The following SBF2 variants were observed in gnomAD, a reference collection of about 807,000 sequenced individuals.
The protein encoded by SBF2 is myotubularin-related protein 13.
Under a neutral mutation model 225.2 loss-of-function variants are expected in SBF2, and 112 were observed. The observed-to-expected ratio is 0.50, with a 90% CI of 0.43 to 0.58. SBF2 has a LOEUF of 0.58. SBF2 is among the 20% of genes least tolerant of loss of function. The pLI, the probability that SBF2 is intolerant of heterozygous loss-of-function variation, is 0.00. For synonymous variants in SBF2, 763 were observed against 773.3 expected, an observed-to-expected ratio of 0.99 and a Z score of 0.22; for missense variants, 1,996 against 2,206.2, an observed-to-expected ratio of 0.90 and a Z score of 1.91.
chr11:10,230,272 A>T (rs962935065), intron 1 of SBF2, among the ~76,000 whole-genome samples: 22 of 152,222 alleles, frequency 1.4e-4, no homozygotes, highest in African/African-American at 5.3e-4. Context: ...CCAATTTGCC[A>T]GTCTGTGTCT....
intron 16 of SBF2, among the ~76,000 whole-genome samples, chr11:9,947,537 T>C (rs1865633451): frequency 6.6e-6 from 1 of 152,226 alleles, no homozygotes; most frequent in African/African-American, 2.4e-5. Context: ...GCTAAGCTGG[T>C]ACTACATTAC....
intron 16 of SBF2, chr11:9,959,105 T>C (rs1482103336): frequency 7.2e-6 from 10 of 1,395,664 alleles, no homozygotes; most frequent in Non-Finnish European, 7.1e-6. Context: ...AAGGTTGCTA[T>C]CACTCCGAAG....
chr11:9,812,427 G>C (rs977764621), intron 30 of SBF2, 105 bp downstream of exon 30: 9 of 1,192,690 alleles, frequency 7.5e-6, no homozygotes, highest in Non-Finnish European at 1.1e-5. Context: ...GAGAATGTTG[G>C]GGAGTAGGGG....
intron 2 of SBF2, among the ~76,000 whole-genome samples, chr11:10,162,607 C>T (rs57672320): frequency 0.021 from 3,253 of 152,210 alleles, 90 homozygotes; most frequent in African/African-American, 0.064. Context: ...TTTAATAAAA[C>T]AGTCACAAGT....
chr11:9,984,773 C>A (rs534562519), intron 13 of SBF2, among the ~76,000 whole-genome samples: 1 of 152,326 alleles, frequency 6.6e-6, no homozygotes, highest in African/African-American at 2.4e-5. Context: ...GGAGCCCTAT[C>A]TTCAGCCTCC....
At chr11:10,229,116 A>G (rs1381767344) in intron 1 of SBF2, among the ~76,000 whole-genome samples, 1 of 152,120 alleles carries the variant, frequency 6.6e-6, no homozygotes, top group Non-Finnish European at 1.5e-5. Context: ...AGGTGTTTAT[A>G]GTATTCTCTG....
intron 34 of SBF2, among the ~76,000 whole-genome samples, 186 bp from the exon 35 acceptor site, chr11:9,789,528 C>T (rs1852602437): frequency 6.6e-6 from 1 of 152,082 alleles, no homozygotes. Context: ...ATTCTCCAAT[C>T]CTCCCTCCTA....
At chr11:9,790,924 G>T in intron 33 of SBF2, 1 of 399,502 alleles carries the variant, frequency 2.5e-6, no homozygotes, top group East Asian at 5.4e-5. Context: ...GCAGCCAGCA[G>T]TCTATCAATC....
intron 2 of SBF2, among the ~76,000 whole-genome samples, chr11:10,090,386 A>C (rs991231906): frequency 6.6e-6 from 1 of 152,244 alleles, no homozygotes; most frequent in African/African-American, 2.4e-5. Flanking sequence ...GGAAGAGTTG[A>C]CAGGTCTCAC....
At chr11:10,141,514 T>G (rs1015080287) in intron 2 of SBF2, among the ~76,000 whole-genome samples, 7 of 152,186 alleles carry the variant, frequency 4.6e-5, no homozygotes, top group African/African-American at 1.7e-4. Context: ...TGCATACTAG[T>G]CTGTATGAAC....
intron 1 of SBF2, among the ~76,000 whole-genome samples, chr11:10,242,647 A>C (rs1442589496): frequency 6.6e-6 from 1 of 152,102 alleles, no homozygotes; most frequent in Non-Finnish European, 1.5e-5. Context: ...GAGATGAAAA[A>C]GGGTATTTCA....
chr11:10,281,333 A>G (rs936180160), intron 1 of SBF2, among the ~76,000 whole-genome samples: 11 of 152,246 alleles, frequency 7.2e-5, no homozygotes, highest in African/African-American at 2.6e-4. Flanking sequence ...CCTTCATATC[A>G]GAATGCCAGT....
At chr11:9,854,314 C>A (rs1051997171) in intron 19 of SBF2, among the ~76,000 whole-genome samples, 7 of 152,204 alleles carry the variant, frequency 4.6e-5, no homozygotes, top group African/African-American at 1.7e-4. Context: ...ATGATAAAAT[C>A]ATGCAAGAGA....
intron 13 of SBF2, among the ~76,000 whole-genome samples, chr11:9,976,959 A>G (rs1051775535): frequency 2.0e-5 from 3 of 151,726 alleles, no homozygotes; most frequent in Non-Finnish European, 2.9e-5. Context: ...TTTAGTAGAG[A>G]CGGGGTTTCA....
At chr11:9,816,764 C>T in intron 29 of SBF2, 76 bp downstream of exon 29, 1 of 1,448,398 alleles carries the variant, frequency 6.9e-7, no homozygotes, top group East Asian at 2.3e-5. Context: ...TCTAGCAAAG[C>T]TGGTTTGTGA....
intron 16 of SBF2, among the ~76,000 whole-genome samples, chr11:9,937,149 A>C (rs1864953428): frequency 6.6e-6 from 1 of 152,210 alleles, no homozygotes; most frequent in South Asian, 2.1e-4. Context: ...ATTTAAGGAC[A>C]AAAGCTTCCA....
At chr11:10,299,753 C>G (rs1046562449) in intron 1 of SBF2, among the ~76,000 whole-genome samples, 2 of 152,182 alleles carry the variant, frequency 1.3e-5, no homozygotes, top group Non-Finnish European at 1.5e-5. Flanking sequence ...GGACTAGACT[C>G]TCTGCAGTCT....
intron 6 of SBF2, among the ~76,000 whole-genome samples, chr11:10,006,880 G>A (rs144868896): frequency 1.3e-5 from 2 of 152,290 alleles, no homozygotes; most frequent in African/African-American, 4.8e-5. Context: ...AAAGGAAATG[G>A]GAATCTGAGA....
At chr11:9,925,039 G>T (rs951192124) in intron 16 of SBF2, among the ~76,000 whole-genome samples, 2 of 151,966 alleles carry the variant, frequency 1.3e-5, no homozygotes, top group Non-Finnish European at 2.9e-5. Flanking sequence ...GTGAGCCACC[G>T]CACCTGGCCT....
Sources: allele counts gnomAD v4.1 joint callset (sites outside exome capture counted in the v4.1 genomes callset), GRCh38; gene constraint gnomAD v4.1.1; transcripts MANE v1.5; gene names NCBI Gene and HGNC (gene_info 2026-07-23, HGNC 2026-07-21).